The following PDE3A variants were observed in gnomAD, a reference collection of about 807,000 sequenced individuals.
PDE3A encodes cGMP-inhibited 3',5'-cyclic phosphodiesterase 3A.
A neutral mutation model predicts 98.3 loss-of-function variants in PDE3A; 43 were observed. The observed-to-expected ratio is 0.44, with a 90% CI of 0.34 to 0.56. PDE3A has a LOEUF of 0.56. Among genes scored for constraint, PDE3A ranks in the 20% least tolerant of loss-of-function variants. The pLI is 0.01. For missense variants in PDE3A, 1,427 were observed against 1,440.7 expected (o/e 0.99, Z 0.15); for synonymous variants, 663 against 567.9 (o/e 1.17, Z -2.38).
At chr12:20,565,000 T>C (rs1241414979) in intron 2 of PDE3A, among the ~76,000 whole-genome samples, 2 of 152,044 alleles carry the variant, frequency 1.3e-5, no homozygotes, top group East Asian at 3.8e-4. Context: ...AATAGTTAAT[T>C]TTACTAAGTG....
At chr12:20,537,524 C>T (rs1467103950) in intron 1 of PDE3A, among the ~76,000 whole-genome samples, 2 of 151,978 alleles carry the variant, frequency 1.3e-5, no homozygotes, top group African/African-American at 4.8e-5. Context: ...TTTTTAATTA[C>T]AGCTATAACA....
At chr12:20,656,447 A>G (rs1049268152) in intron 15 of PDE3A, among the ~76,000 whole-genome samples, 4 of 152,184 alleles carry the variant, frequency 2.6e-5, no homozygotes, top group Non-Finnish European at 4.4e-5. Flanking sequence ...CTTTTTGTAG[A>G]ATGGGGGAAA....
chr12:20,398,565 T>A (rs1944062897), intron 1 of PDE3A, among the ~76,000 whole-genome samples: 2 of 152,070 alleles, frequency 1.3e-5, no homozygotes, highest in Non-Finnish European at 2.9e-5. Context: ...TTTCTCTGTA[T>A]TCTGTAAAAT....
Position 20,552,308 on chromosome 12 carries a change from A to C in PDE3A, c.961-4352A>C. On this transcript the variant is annotated intron_variant, in intron 1 of 15. Transcript: ENST00000359062. The surrounding 1 kb of genome is among the most constrained non-coding windows in gnomAD (Gnocchi z 5.1). The stretch of plus-strand genomic sequence containing the variant: ...GGCAACCGCTACGATGGCATCTACA[A>C]GGTTGTGAAATACTGGCCCGAGAAG... 6 of 1,613,768 alleles carry C rather than the reference A, an allele frequency of 3.7e-6. No individual in the cohort carries two copies. The highest frequency in any genetic ancestry group is 4.2e-6 in the Non-Finnish European group (5 of 1,179,864).
In PDE3A at chr12:20,495,320, C is replaced by T. The variant is rs962624749; in HGVS notation, c.961-61340C>T. Among the ~76,000 whole-genome samples, 5 of 152,054 alleles carry T rather than the reference C, an allele frequency of 3.3e-5. No individual in the cohort carries two copies. The East Asian group carries it at 9.7e-4, about 29-fold the overall frequency. ...GCATAACAGCTAAATACTTAAAATGCTTTCATTGTACCAGATTTTGGATTT... is the reference window on the plus strand; with the variant it reads ...GCATAACAGCTAAATACTTAAAATGTTTTCATTGTACCAGATTTTGGATTT... On this transcript the variant is annotated intron_variant, in intron 1 of 15. Transcript: ENST00000359062.
At chr12:20,402,860 G>C (rs1944158504) in intron 1 of PDE3A, among the ~76,000 whole-genome samples, 1 of 152,172 alleles carries the variant, frequency 6.6e-6, no homozygotes, top group Non-Finnish European at 1.5e-5. Flanking sequence ...TGAGCTGTAA[G>C]AGTTAAATGC....
At chr12:20,446,621 C>T (rs1274241419) in intron 1 of PDE3A, among the ~76,000 whole-genome samples, 1 of 152,102 alleles carries the variant, frequency 6.6e-6, no homozygotes, top group Admixed American at 6.6e-5. Flanking sequence ...TAGTTCTCTG[C>T]CTACTATGTG....
chr12:20,424,195 T>A (rs558298769), intron 1 of PDE3A, among the ~76,000 whole-genome samples: 1 of 152,314 alleles, frequency 6.6e-6, no homozygotes, highest in South Asian at 2.1e-4. Flanking sequence ...TATTAGTTCT[T>A]GCTGTAAAAT....
chr12:20,525,045 T>A (rs1270982767), intron 1 of PDE3A, among the ~76,000 whole-genome samples: 1 of 152,036 alleles, frequency 6.6e-6, no homozygotes, highest in Non-Finnish European at 1.5e-5. Context: ...GGCAGGAGAA[T>A]CGCTTGAACC....
chr12:20,518,163 TC>T (rs1363801539), intron 1 of PDE3A, among the ~76,000 whole-genome samples: 1 of 152,196 alleles, frequency 6.6e-6, no homozygotes, highest in Non-Finnish European at 1.5e-5. Context: ...AACAAATTGC[TC>T]CAGTGCTTCA....
intron 1 of PDE3A, among the ~76,000 whole-genome samples, chr12:20,538,375 C>T (rs1941805152): frequency 6.6e-6 from 1 of 152,028 alleles, no homozygotes; most frequent in African/African-American, 2.4e-5. Flanking sequence ...GGCAGAAAGG[C>T]AAAAGAGACA....
chr12:20,475,655 C>T (rs780330071), intron 1 of PDE3A, among the ~76,000 whole-genome samples: 4 of 152,032 alleles, frequency 2.6e-5, no homozygotes, highest in East Asian at 1.9e-4. Flanking sequence ...GATTGAACCT[C>T]GGAGGCAGAG....
rs554524442 is a variant in PDE3A at position 20,609,848 on chromosome 12, CA to C, written c.1012-3591del. The stretch of plus-strand genomic sequence containing the variant: ...GCTGAGAAAGCTGGATTTCTACATG[CA>C]AAAGAATGAAATCGTATGTTTATCT... On this transcript the variant is annotated intron_variant, in intron 2 of 15. Transcript: ENST00000359062. 8.6e-5 allele frequency among the ~76,000 whole-genome samples: 13 copies of C among 151,952 alleles called. No homozygotes were observed. The East Asian group carries it at 2.3e-3, about 27-fold the overall frequency.
At chr12:20,646,202 C>T (rs1944771421) in intron 10 of PDE3A, among the ~76,000 whole-genome samples, 1 of 152,102 alleles carries the variant, frequency 6.6e-6, no homozygotes, top group Non-Finnish European at 1.5e-5. Context: ...TTTTTTCACA[C>T]AGTATGTTTC....
rs186410255 is a variant in PDE3A, at chr12:20,575,885, G to A, written c.1011+19175G>A. ...AAATAAGGGTCTTTTTTAAAAAAAT[G>A]TAGCACAAAACCCAATGCAAAACAA... On this transcript the variant is annotated intron_variant, in intron 2 of 15. Coordinates refer to ENST00000359062, the MANE Select transcript of PDE3A (RefSeq NM_000921.5). Among the ~76,000 whole-genome samples the A allele has an allele frequency of 1.5e-3, 222 of 151,762 alleles. 1 individual carries two copies. Among genetic ancestry groups the A allele is most frequent in the African/African-American group, 5.2e-3 (213 of 41,344 alleles).
At chr12:20,383,098 A>G (rs1338433260) in intron 1 of PDE3A, among the ~76,000 whole-genome samples, 1 of 151,880 alleles carries the variant, frequency 6.6e-6, no homozygotes, top group Non-Finnish European at 1.5e-5. Flanking sequence ...AAAAAGGCTT[A>G]AGAGAGATAT....
intron 2 of PDE3A, among the ~76,000 whole-genome samples, chr12:20,574,013 T>G (rs2121319558): frequency 6.6e-6 from 1 of 152,202 alleles, no homozygotes; most frequent in East Asian, 1.9e-4. Context: ...AAATTAGATT[T>G]ATTATGTCCA....
chr12:20,673,318 A>G (rs1400718864), intron 15 of PDE3A, among the ~76,000 whole-genome samples: 8 of 149,890 alleles, frequency 5.3e-5, no homozygotes, highest in Admixed American at 1.3e-4. Context: ...TAGAACTGGA[A>G]ATACCATTTG....
Position 20,613,488 on chromosome 12 carries a change from G to C in PDE3A, c.1057G>C (p.Ala353Pro). 6.2e-7 allele frequency: 1 copy of C among 1,614,026 alleles called. No individual in the cohort carries two copies. The highest frequency in any genetic ancestry group is 8.5e-7 in the Non-Finnish European group (1 of 1,179,880). The change falls in exon 3 of 16, where the codon GCC (alanine) becomes CCC (proline). Residue 353 changes from alanine to proline, a missense_variant. Physicochemically the swap from Ala to Pro is conservative, Grantham distance 27 (BLOSUM62 -1). This residue lies in a region of PDE3A where 1,012 missense variants were observed against 886.5 expected (regional missense o/e 1.14). Coordinates refer to ENST00000359062, the MANE Select transcript of PDE3A (RefSeq NM_000921.5). ...ITVDIAVMGE[A>P]HGLITDLLAD... is the part of the protein sequence containing the mutation. ...TGTGGACATCGCCGTCATGGGCGAGGCCCACGGCCTCATTACCGACCTCCT... is the reference window on the plus strand; with the variant it reads ...TGTGGACATCGCCGTCATGGGCGAGCCCCACGGCCTCATTACCGACCTCCT...
Sources: gnomAD v4.1 joint callset for allele counts (sites outside exome capture counted in the v4.1 genomes callset) on GRCh38, gnomAD v4.1.1 for gene constraint, gnomAD v4.1.1 regional missense constraint, Gnocchi (gnomAD v3.1) non-coding constraint, MANE v1.5 for transcripts, NCBI Gene and HGNC (gene_info 2026-07-23, HGNC 2026-07-21) for gene names.